RBFOX1: variants seen among roughly 807,000 people sequenced by gnomAD.
RBFOX1 encodes RNA binding fox-1 homolog 1.
Under a neutral mutation model 57.7 loss-of-function variants are expected in RBFOX1, and 8 were observed. That is an observed-to-expected ratio of 0.14 (90% CI 0.08 to 0.25). The LOEUF is 0.25. Ranked by LOEUF, RBFOX1 falls within the 10% of genes least tolerant of loss-of-function variation. The probability of loss-of-function intolerance (pLI) is 1.00; values close to 1 mark genes in which losing one functional copy is unlikely to be tolerated. For missense variants in RBFOX1, 611 were observed against 548.5 expected (o/e 1.11, Z -1.14); for synonymous variants, 326 against 222.4 (o/e 1.47, Z -4.15).
intron 1 of RBFOX1, among the ~76,000 whole-genome samples, chr16:6,264,958 G>T (rs962221171): frequency 6.6e-6 from 1 of 152,182 alleles, no homozygotes; most frequent in Non-Finnish European, 1.5e-5. Context: ...TGTGGGAACC[G>T]ACTCTGATAA....
At chr16:5,764,424 T>G (rs556719724) in intron 3 of RBFOX1, among the ~76,000 whole-genome samples, 2 of 152,174 alleles carry the variant, frequency 1.3e-5, no homozygotes, top group Non-Finnish European at 2.9e-5. Context: ...ATGAGCCAAT[T>G]AAACCCCTTT....
chr16:5,719,270 C>T (rs1016680071), intron 3 of RBFOX1, among the ~76,000 whole-genome samples: 2 of 148,202 alleles, frequency 1.3e-5, no homozygotes, highest in Middle Eastern at 3.3e-3. Context: ...GGCACGATCT[C>T]GGCTCACTGC....
chr16:5,692,168 TGTGTGTGTGTGTGTGTGTGTGTGTG>T (rs2050704645), intron 3 of RBFOX1, among the ~76,000 whole-genome samples: 69 of 143,546 alleles, frequency 4.8e-4, no homozygotes, highest in Admixed American at 3.8e-3. Context: ...GGACTGACTG[TGTGTGTGTGTGTGTGTGTGTGTGTG>T]TGTGTGTGTG....
chr16:7,357,949 C>G (rs1379046831), intron 4 of RBFOX1, among the ~76,000 whole-genome samples: 1 of 152,106 alleles, frequency 6.6e-6, no homozygotes, highest in Non-Finnish European at 1.5e-5. Flanking sequence ...TTTACTGTCT[C>G]TGTCTTAATA....
chr16:6,020,023 C>G (rs907947195), intron 1 of RBFOX1, 31 bp downstream of exon 1: 5 of 1,462,218 alleles, frequency 3.4e-6, no homozygotes, highest in Non-Finnish European at 4.5e-6. Flanking sequence ...TGCCTCTGCA[C>G]CCACCCTGAC....
In RBFOX1 at chr16:6,868,248, C is replaced by T. The variant is rs184157773; in HGVS notation, c.-15-183809C>T. Among the ~76,000 whole-genome samples, 6 of 152,176 alleles carry T rather than the reference C, an allele frequency of 3.9e-5. 1 individual carries two copies. The highest frequency in any genetic ancestry group is 3.9e-4 in the Admixed American group (6 of 15,286). On this transcript the variant is annotated intron_variant, in intron 3 of 15. Transcript: ENST00000550418. ...AGAAACAGAAATACTTCGTGGTCTG[C>T]AGCAGTGGACACAGGAAGTGGCTTA...
chr16:6,127,851 T>C (rs1335480081), intron 1 of RBFOX1, among the ~76,000 whole-genome samples: 2 of 152,250 alleles, frequency 1.3e-5, no homozygotes, highest in African/African-American at 4.8e-5. Context: ...TTTTTTTCTT[T>C]ACTTTTGTTG....
In RBFOX1 at chr16:6,165,279, A is replaced by C. The variant is rs557844539; in HGVS notation, c.-127+145287A>C. On this transcript the variant is annotated intron_variant, in intron 1 of 15. Transcript: ENST00000550418. The stretch of plus-strand genomic sequence containing the variant: ...TAATAAATGACAGCTCATTATCATT[A>C]TTGTTTTTATATTTACTTTTTTTTG... 4.5e-4 allele frequency among the ~76,000 whole-genome samples: 68 copies of C among 152,296 alleles called. 1 individual carries two copies. The highest frequency in any genetic ancestry group is 4.2e-3 in the East Asian group (22 of 5,186).
intron 3 of RBFOX1, among the ~76,000 whole-genome samples, chr16:7,043,688 G>A (rs1403194163): frequency 8.5e-5 from 13 of 152,076 alleles, no homozygotes; most frequent in Non-Finnish European, 8.8e-5. Context: ...CTATTATTGT[G>A]GACATGAAAA....
chr16:6,008,537 C>G (rs1003684266), intron 4 of RBFOX1, among the ~76,000 whole-genome samples: 1 of 152,034 alleles, frequency 6.6e-6, no homozygotes, highest in South Asian at 2.1e-4. Context: ...AGAGGCACAT[C>G]CAAATCAAGA....
chr16:7,477,114 ACTT>A (rs2151096857), intron 4 of RBFOX1, among the ~76,000 whole-genome samples: 1 of 151,912 alleles, frequency 6.6e-6, no homozygotes, highest in African/African-American at 2.4e-5. Context: ...TTTTCTCACT[ACTT>A]TTTGTTGTTA....
chr16:7,140,189 T>TCTCTCTCC (rs1477024828), intron 4 of RBFOX1, among the ~76,000 whole-genome samples: 1 of 144,424 alleles, frequency 6.9e-6, no homozygotes, highest in Admixed American at 6.9e-5. Context: ...TCTCTCTCTC[T>TCTCTCTCC]CTCTCCCTCC....
chr16:6,344,429 T>A (rs763273953), intron 2 of RBFOX1, among the ~76,000 whole-genome samples: 1 of 144,406 alleles, frequency 6.9e-6, no homozygotes, highest in Non-Finnish European at 1.5e-5. Context: ...TGAGACAGAG[T>A]CTCTATCGCC....
chr16:7,489,138 C>T (rs2066238726), intron 4 of RBFOX1, among the ~76,000 whole-genome samples: 1 of 152,176 alleles, frequency 6.6e-6, no homozygotes, highest in Admixed American at 6.5e-5. Context: ...CTCTGTTTCT[C>T]TGCCTCTGTC....
intron 2 of RBFOX1, among the ~76,000 whole-genome samples, chr16:6,508,628 C>T (rs929682150): frequency 6.6e-6 from 1 of 152,098 alleles, no homozygotes; most frequent in African/African-American, 2.4e-5. Context: ...TTCTTCTTTA[C>T]TTTTCTCTTG....
chr16:7,231,292 G>C (rs970635079), intron 4 of RBFOX1, among the ~76,000 whole-genome samples: 5 of 152,134 alleles, frequency 3.3e-5, no homozygotes, highest in African/African-American at 1.2e-4. Context: ...TGTACCATGT[G>C]TTTATCCTTA....
At chr16:6,130,805 A>T (rs7187986) in intron 1 of RBFOX1, among the ~76,000 whole-genome samples, 12,151 of 152,176 alleles carry the variant, frequency 0.08, 516 homozygotes, top group African/African-American at 0.092. Flanking sequence ...TCAAATGGTT[A>T]ATTCATGAGG....
At chr16:5,394,266 C>A (rs1031235645) in intron 1 of RBFOX1, among the ~76,000 whole-genome samples, 2 of 152,136 alleles carry the variant, frequency 1.3e-5, no homozygotes, top group African/African-American at 4.8e-5. Flanking sequence ...TCGTGATCTG[C>A]CCGCCTCAGC....
chr16:6,034,329 C>T (rs540057414), intron 1 of RBFOX1, among the ~76,000 whole-genome samples: 35 of 18,858 alleles, frequency 1.9e-3, no homozygotes, highest in African/African-American at 1.6e-3. Context: ...GAGACTGTTG[C>T]GCAAAAAAAA....
Sources: allele counts gnomAD v4.1 joint callset (sites outside exome capture counted in the v4.1 genomes callset), GRCh38; gene constraint gnomAD v4.1.1; transcripts MANE v1.5; gene names NCBI Gene and HGNC (gene_info 2026-07-23, HGNC 2026-07-21).